SLC16A10: variants seen among roughly 807,000 people sequenced by gnomAD.
The protein encoded by SLC16A10 is monocarboxylate transporter 10.
Under a neutral mutation model 40.0 loss-of-function variants are expected in SLC16A10, and 27 were observed. The ratio of observed to expected loss-of-function variants is 0.67; its 90% CI spans 0.50 to 0.93. The LOEUF (loss-of-function observed/expected upper bound fraction) is 0.93, where lower values mean the gene tolerates loss of function less well. SLC16A10 is among the 40% of genes least tolerant of loss of function. SLC16A10 has a pLI of 0.00. For synonymous variants in SLC16A10, 213 were observed against 249.8 expected (o/e 0.85, Z 1.39); for missense variants, 529 against 658.2 (o/e 0.80, Z 2.15).
chr6:111,214,773 A>G (rs1195477257), intron 4 of SLC16A10, among the ~76,000 whole-genome samples: 2 of 152,234 alleles, frequency 1.3e-5, no homozygotes, highest in Non-Finnish European at 1.5e-5. Flanking sequence ...ATATAACTTA[A>G]TATAGCTTGA....
intron 1 of SLC16A10, among the ~76,000 whole-genome samples, chr6:111,118,541 C>T (rs936139472): frequency 7.2e-5 from 11 of 151,952 alleles, no homozygotes; most frequent in South Asian, 2.1e-4. Context: ...ATTAGCTGGG[C>T]GTGCTGGTGC....
intron 1 of SLC16A10, among the ~76,000 whole-genome samples, chr6:111,165,413 C>A (rs917987638): frequency 6.6e-6 from 1 of 152,108 alleles, no homozygotes; most frequent in Non-Finnish European, 1.5e-5. Context: ...AAAAGAAAAT[C>A]TTTTTCCAGT....
intron 1 of SLC16A10, among the ~76,000 whole-genome samples, chr6:111,138,621 A>G (rs770176622): frequency 2.1e-4 from 32 of 151,630 alleles, no homozygotes; most frequent in Non-Finnish European, 3.5e-4. Context: ...CAAACCACTT[A>G]GTCCTGTGCT....
intron 2 of SLC16A10, among the ~76,000 whole-genome samples, chr6:111,175,889 A>T (rs1368627261): frequency 1.3e-5 from 2 of 149,248 alleles, no homozygotes; most frequent in Non-Finnish European, 3.0e-5. Flanking sequence ...TTTTTTTTTT[A>T]AATAGAGATG....
intron 3 of SLC16A10, among the ~76,000 whole-genome samples, chr6:111,179,471 C>T (rs1335263503): frequency 6.6e-6 from 1 of 152,206 alleles, no homozygotes; most frequent in African/African-American, 2.4e-5. Flanking sequence ...GTAGCAAAAT[C>T]AGTCTACAGT....
At chr6:111,215,320 A>G (rs1427229769) in intron 4 of SLC16A10, among the ~76,000 whole-genome samples, 1 of 151,528 alleles carries the variant, frequency 6.6e-6, no homozygotes, top group African/African-American at 2.4e-5. Context: ...AAAGCCAAGT[A>G]CTGTACTAGG....
At chr6:111,155,620 T>C (rs1378896568) in intron 1 of SLC16A10, among the ~76,000 whole-genome samples, 2 of 152,212 alleles carry the variant, frequency 1.3e-5, no homozygotes, top group East Asian at 3.8e-4. Flanking sequence ...GATTTTTCAT[T>C]GCTGTAAAGA....
chr6:111,199,459 CAAA>C (rs563671372), intron 3 of SLC16A10, among the ~76,000 whole-genome samples: 3 of 97,906 alleles, frequency 3.1e-5, no homozygotes, highest in Non-Finnish European at 2.2e-5. Flanking sequence ...AATGCCATCT[CAAA>C]AAAAAAAAAA....
intron 1 of SLC16A10, among the ~76,000 whole-genome samples, chr6:111,121,777 T>A (rs1771588530): frequency 6.6e-6 from 1 of 152,214 alleles, no homozygotes; most frequent in Admixed American, 6.5e-5. Context: ...AGGGCTCTGC[T>A]CAGAAGGGTC....
chr6:111,162,769 A>T (rs1772393279), intron 1 of SLC16A10, among the ~76,000 whole-genome samples: 1 of 152,214 alleles, frequency 6.6e-6, no homozygotes, highest in South Asian at 2.1e-4. Context: ...TAGATAGCTC[A>T]ACATGAAAGT....
At chr6:111,092,915 C>T (rs1038915530) in intron 1 of SLC16A10, among the ~76,000 whole-genome samples, 6 of 151,706 alleles carry the variant, frequency 4.0e-5, no homozygotes, top group South Asian at 2.1e-4. Flanking sequence ...GTGGCGGATG[C>T]GTGTAATCCC....
At position 111,218,891 on chromosome 6, in the gene SLC16A10, G is replaced by T. The variant is rs371764487; in HGVS notation, c.1164G>T (p.Val388=). The change falls in exon 5 of 6, where the codon GTG becomes GTT. Residue 388 remains valine (V), a synonymous_variant. Transcript: ENST00000368851. The part of the protein sequence containing the change: ...LCSIFGALIA[V]CLIMGLFDGC... ...GCATCTTTGGGGCCCTCATTGCTGTGTGCCTCATCATGGGTCTCTTCGATG... is the reference window on the plus strand; with the variant it reads ...GCATCTTTGGGGCCCTCATTGCTGTTTGCCTCATCATGGGTCTCTTCGATG... 2.5e-5 allele frequency: 41 copies of T among 1,613,872 alleles called. No individual in the cohort carries two copies. The Middle Eastern group carries it at 2.0e-3, about 78-fold the overall frequency.
intron 4 of SLC16A10, among the ~76,000 whole-genome samples, chr6:111,216,662 T>A (rs1773427715): frequency 6.6e-6 from 1 of 150,946 alleles, no homozygotes; most frequent in South Asian, 2.1e-4. Flanking sequence ...TGATCCGCCC[T>A]CCTCAGCCTC....
At chr6:111,205,176 G>A (rs995077738) in intron 3 of SLC16A10, among the ~76,000 whole-genome samples, 1 of 152,210 alleles carries the variant, frequency 6.6e-6, no homozygotes, top group African/African-American at 2.4e-5. Flanking sequence ...ACAGTTAATA[G>A]TTTTGAAAGA....
rs376225868 is a variant in SLC16A10 at position 111,172,825 on chromosome 6, C to G, written c.474C>G (p.Ser158=). 27 of 1,613,850 alleles carry G rather than the reference C, an allele frequency of 1.7e-5. No individual in the cohort carries two copies. Among genetic ancestry groups the G allele is most frequent in the Middle Eastern group, 1.6e-4 (1 of 6,082 alleles). ...GAAVGFVGLM[S]SSFVSSIEPL... ...CTGTTGGATTTGTTGGGCTCATGTC[C>G]AGTTCTTTTGTAAGGTAAGGACTTG... Residue 158 remains serine, a synonymous_variant, in exon 2 of 6, where the codon TCC becomes TCG. Transcript: ENST00000368851.
rs534803069 is a variant in SLC16A10, at chr6:111,100,454, T to C, written c.343+12359T>C. Among the ~76,000 whole-genome samples the C allele has an allele frequency of 1.7e-3, 256 of 152,242 alleles. 3 individuals carry two copies. The highest frequency in any genetic ancestry group is 5.7e-3 in the African/African-American group (235 of 41,536). On this transcript the variant is annotated intron_variant, in intron 1 of 5. Coordinates refer to ENST00000368851, the MANE Select transcript of SLC16A10 (RefSeq NM_018593.5). The stretch of plus-strand genomic sequence containing the variant: ...ACCAGGCTGGAGTGCAGTGGTGCGA[T>C]CTCGGCTCACTGCAATCTCTGCCTC...
At chr6:111,218,705 A>G in intron 4 of SLC16A10, 109 bp from the exon 5 acceptor site, 2 of 831,542 alleles carry the variant, frequency 2.4e-6, no homozygotes, top group Non-Finnish European at 4.0e-6. Flanking sequence ...AGGCAGTGGC[A>G]GGGGGGAAAG....
intron 4 of SLC16A10, among the ~76,000 whole-genome samples, chr6:111,214,935 C>G (rs1050161162): frequency 6.6e-6 from 1 of 151,828 alleles, no homozygotes; most frequent in Admixed American, 6.6e-5. Flanking sequence ...CTGGCTAACA[C>G]AGTGAAGCCC....
At position 111,087,941 on chromosome 6, in the gene SLC16A10, A is replaced by AC; in HGVS notation, c.195dup (p.Glu66ArgfsTer43). ...CCGCGGAGCCCCATGAGCCCCCCGA[A>AC]CCCCCCGAGGGCGGCTGGGGCTGGC... On this transcript the variant is annotated frameshift_variant, in exon 1 of 6. Transcript: ENST00000368851. LOFTEE classifies it high-confidence loss of function. The AC allele has an allele frequency of 1.2e-6, 2 of 1,607,140 alleles. No individual in the cohort carries two copies. Among genetic ancestry groups the AC allele is most frequent in the East Asian group, 2.3e-5 (1 of 44,374 alleles).
Sources: gnomAD v4.1 joint callset for allele counts (sites outside exome capture counted in the v4.1 genomes callset) on GRCh38, gnomAD v4.1.1 for gene constraint, MANE v1.5 for transcripts, NCBI Gene and HGNC (gene_info 2026-07-23, HGNC 2026-07-21) for gene names.